ZNF773: variants seen among roughly 807,000 people sequenced by gnomAD.
The protein encoded by ZNF773 is zinc finger protein 419B.
A neutral mutation model predicts 12.8 loss-of-function variants in ZNF773; 11 were observed. The ratio of observed to expected loss-of-function variants is 0.86; its 90% confidence interval spans 0.54 to 1.42. ZNF773 has a LOEUF of 1.42. Ranked by LOEUF, ZNF773 falls within the 40% of genes most tolerant of loss-of-function variation. The probability of loss-of-function intolerance (pLI) is 0.00; values close to 1 mark genes in which losing one functional copy is unlikely to be tolerated. For missense variants in ZNF773, 518 were observed against 527.2 expected (o/e 0.98, Z 0.17); for synonymous variants, 175 against 178.4 (o/e 0.98, Z 0.15).
At chr19:57,508,768 A>G (rs2089773833), downstream of ZNF773, among the ~76,000 whole-genome samples, 1 of 145,048 alleles carries the variant, frequency 6.9e-6, no homozygotes, top group Admixed American at 6.7e-5. Context: ...CTTAATTTGT[A>G]TTTTTCGAAT....
chr19:57,516,524 C>A (rs1332992963), downstream of ZNF773: 1 of 152,212 alleles, frequency 6.6e-6, no homozygotes, highest in African/African-American at 2.4e-5. Flanking sequence ...ATCAATTATA[C>A]TGCACCATTG....
At chr19:57,506,041 C>T (rs1470721565) in intron 3 of ZNF773, among the ~76,000 whole-genome samples, 4 of 152,100 alleles carry the variant, frequency 2.6e-5, no homozygotes, top group Non-Finnish European at 5.9e-5. Flanking sequence ...TGGATATAAC[C>T]TTCTGTGCCG....
At chr19:57,513,173 T>C (rs370033129), downstream of ZNF773, 6 of 1,257,766 alleles carry the variant, frequency 4.8e-6, no homozygotes, top group East Asian at 1.5e-4. Flanking sequence ...AAAGAGGTAC[T>C]GGGAGTGGGA....
chr19:57,506,361 G>A lies in ZNF773; in HGVS notation c.266G>A (p.Ser89Asn). The change falls in exon 4 of 4, where the codon AGT becomes AAT. Residue 89 changes from serine (S) to asparagine (N), a missense_variant. Ser to Asn is a conservative substitution (Grantham distance 46). Transcript: ENST00000282292. Reference sequence around the variant, plus strand: ...ATCAACATTTCTCTTCTTTCAGGTAGTTGGCAAGGAGCCAAGGCTGAGGCA... The same window carrying A: ...ATCAACATTTCTCTTCTTTCAGGTAATTGGCAAGGAGCCAAGGCTGAGGCA... ...EVVTSAILRG[S>N]WQGAKAEAAA... 2 of 1,601,858 alleles carry A rather than the reference G, an allele frequency of 1.2e-6. No homozygotes were observed. The highest frequency in any genetic ancestry group is 1.7e-6 in the Non-Finnish European group (2 of 1,175,798).
Position 57,505,291 on chromosome 19 carries a change from G to A in ZNF773, c.164-11G>A, listed in dbSNP as rs202087920. On this transcript the variant is annotated splice_polypyrimidine_tract_variant and intron_variant, in intron 2 of 3. Transcript: ENST00000282292. ...GGCTCAGTGCTGCCACTCACCTGTC[G>A]TTTTCCTTAGGACTTGCATCTTCCA... 49 of 1,612,802 alleles carry A rather than the reference G, an allele frequency of 3.0e-5. No homozygotes were observed. The highest frequency in any genetic ancestry group is 1.7e-4 in the Middle Eastern group (1 of 6,060).
chr19:57,505,666 G>A (rs1387942599), intron 3 of ZNF773, among the ~76,000 whole-genome samples: 4 of 150,576 alleles, frequency 2.7e-5, no homozygotes, highest in South Asian at 2.1e-4. Context: ...GAGGTGGGGC[G>A]CTTATTCTTG....
At chr19:57,512,400 A>ATTT (rs747914066), downstream of ZNF773, among the ~76,000 whole-genome samples, 386 of 113,222 alleles carry the variant, frequency 3.4e-3, 10 homozygotes, top group East Asian at 0.017. Flanking sequence ...AAGATGCAGT[A>ATTT]TTTTTTTTTT....
At chr19:57,516,755 T>C (rs1183628594), downstream of ZNF773, 1 of 152,272 alleles carries the variant, frequency 6.6e-6, no homozygotes, top group Non-Finnish European at 1.5e-5. Flanking sequence ...ACCCCTGTCC[T>C]TGGACTCAGT....
chr19:57,515,965 G>C (rs1445042187), downstream of ZNF773: 2 of 152,300 alleles, frequency 1.3e-5, no homozygotes. Flanking sequence ...TTTACCCAAA[G>C]GTATTACAGA....
intron 1 of ZNF773, among the ~76,000 whole-genome samples, chr19:57,501,578 A>G (rs55879912): frequency 0.21 from 31,432 of 151,986 alleles, 3,375 homozygotes; most frequent in African/African-American, 0.25. Flanking sequence ...GAAGTTGAGC[A>G]TTTTTCCAAG....
intron 1 of ZNF773, among the ~76,000 whole-genome samples, chr19:57,500,838 C>T (rs1486773817): frequency 1.3e-5 from 2 of 151,880 alleles, no homozygotes; most frequent in African/African-American, 4.8e-5. Flanking sequence ...GCCTGGGGCT[C>T]GTATTTAGGA....
downstream of ZNF773, chr19:57,508,602 C>T: frequency 1.4e-6 from 1 of 696,142 alleles, no homozygotes; most frequent in South Asian, 1.5e-5. Context: ...TAAGAACTTG[C>T]CAAATTGTGT....
At chr19:57,515,720 GCAAT>G (rs1360610335), downstream of ZNF773, 1 of 152,146 alleles carries the variant, frequency 6.6e-6, no homozygotes, top group East Asian at 1.9e-4. Context: ...ACAGTTATGG[GCAAT>G]CACTCATAAA....
chr19:57,511,969 A>G (rs546588031), downstream of ZNF773, among the ~76,000 whole-genome samples: 1 of 152,344 alleles, frequency 6.6e-6, no homozygotes, highest in Admixed American at 6.5e-5. Context: ...AACTAGAGTA[A>G]AAGAATGCAG....
At position 57,499,946 on chromosome 19, in the gene ZNF773, C is replaced by T; in HGVS notation, c.-135C>T. 1.7e-6 allele frequency: 2 copies of T among 1,211,528 alleles called. No individual in the cohort carries two copies. The highest frequency in any genetic ancestry group is 2.8e-5 in the East Asian group (1 of 35,220). 75.0% of individuals were successfully genotyped at this position (1,211,528 alleles called of 1,614,324 possible). ...CTTGCCGGAAGCTGGTTGTTCGCTGCGGCGACCAGCTCCGGAAAGCGCGGT... is the reference window on the plus strand; with the variant it reads ...CTTGCCGGAAGCTGGTTGTTCGCTGTGGCGACCAGCTCCGGAAAGCGCGGT... On this transcript the variant is annotated 5_prime_UTR_variant, in exon 1 of 4. Coordinates refer to ENST00000282292, the MANE Select transcript of ZNF773 (RefSeq NM_198542.3).
Position 57,507,516 on chromosome 19 carries a change from C to G in ZNF773, c.*92C>G. The G allele has an allele frequency of 4.0e-6, 6 of 1,488,678 alleles. No homozygotes were observed. The highest frequency in any genetic ancestry group is 5.3e-6 in the Non-Finnish European group (6 of 1,124,910). 92.2% of individuals were successfully genotyped at this position (1,488,678 alleles called of 1,614,324 possible). ...GTCTTGAAGGTTACTAATGGAAATC[C>G]ATTAGCTATACCTCCAAACTCATTC... On this transcript the variant is annotated 3_prime_UTR_variant, in exon 4 of 4. Transcript: ENST00000282292.
chr19:57,517,690 T>C (rs1280768827), downstream of ZNF773: 2 of 152,242 alleles, frequency 1.3e-5, no homozygotes, highest in Non-Finnish European at 2.9e-5. Flanking sequence ...CTATTCATAT[T>C]TGTGTAACTA....
rs760785812 is a variant in ZNF773, at chr19:57,507,050, A to T, written c.955A>T (p.Met319Leu). 1 of 1,614,190 alleles carries T rather than the reference A, an allele frequency of 6.2e-7. No homozygotes were observed. Among genetic ancestry groups the T allele is most frequent in the East Asian group, 2.2e-5 (1 of 44,878 alleles). ...GKLFSFNSSL[M>L]KHQRVHTGER... ...ATTGTTTAGTTTCAACTCCAGCCTC[A>T]TGAAACATCAGAGAGTTCACACTGG... Residue 319 changes from methionine to leucine, a missense_variant, in exon 4 of 4, where the codon ATG becomes TTG. Physicochemically the swap from Met to Leu is conservative, Grantham distance 15. Transcript: ENST00000282292.
At position 57,506,273 on chromosome 19, in the gene ZNF773, T is replaced by G. The variant is rs2089731946; in HGVS notation, c.263-85T>G. Reference sequence around the variant, plus strand: ...TCTGCAAGCAGTCCCACACGCTAATTACCAGGTGTGTCAGACACGTGTGAG... The same window carrying G: ...TCTGCAAGCAGTCCCACACGCTAATGACCAGGTGTGTCAGACACGTGTGAG... On this transcript the variant is annotated intron_variant, in intron 3 of 3. Transcript: ENST00000282292. 7 of 1,534,046 alleles carry G rather than the reference T, an allele frequency of 4.6e-6. No individual in the cohort carries two copies. The Admixed American group carries it at 1.5e-4, about 32-fold the overall frequency.
Sources: allele counts gnomAD v4.1 joint callset (sites outside exome capture counted in the v4.1 genomes callset), GRCh38; gene constraint gnomAD v4.1.1; transcripts MANE v1.5; gene names NCBI Gene and HGNC (gene_info 2026-07-23, HGNC 2026-07-21).